The following TPD52 variants were observed in gnomAD, a reference collection of about 807,000 sequenced individuals.
TPD52 encodes prostate and colon associated protein.
In TPD52, 17 loss-of-function variants were observed where a neutral mutation model predicts 31.3. That is an observed-to-expected ratio of 0.54 (90% CI 0.37 to 0.82). TPD52 has a LOEUF of 0.82. Ranked by LOEUF, TPD52 falls within the 40% of genes least tolerant of loss-of-function variation. The pLI, the probability that TPD52 is intolerant of heterozygous loss-of-function variation, is 0.00. For synonymous variants in TPD52, 83 were observed against 89.6 expected (o/e 0.93, Z 0.42); for missense variants, 212 against 240.1 (o/e 0.88, Z 0.77).
At chr8:80,162,448 A>C (rs1811422054) in intron 1 of TPD52, among the ~76,000 whole-genome samples, 1 of 152,176 alleles carries the variant, frequency 6.6e-6, no homozygotes, top group Non-Finnish European at 1.5e-5. Flanking sequence ...TAACATCTAT[A>C]ACCTCTCTAG....
intron 1 of TPD52, among the ~76,000 whole-genome samples, chr8:80,151,760 T>A (rs927822230): frequency 2.9e-4 from 44 of 152,194 alleles, no homozygotes; most frequent in African/African-American, 8.9e-4. Context: ...CATTGCCCAG[T>A]GGAAGCTCAG....
At chr8:80,073,821 AC>A (rs1814209952) in intron 1 of TPD52, among the ~76,000 whole-genome samples, 1 of 152,224 alleles carries the variant, frequency 6.6e-6, no homozygotes, top group Admixed American at 6.5e-5. Flanking sequence ...AAGAAATATG[AC>A]TTCCATCTCA....
chr8:80,135,640 C>T (rs1051785679), intron 1 of TPD52, among the ~76,000 whole-genome samples: 1 of 150,656 alleles, frequency 6.6e-6, no homozygotes, highest in Non-Finnish European at 1.5e-5. Flanking sequence ...GGGTATATAC[C>T]CAAAGGACTA....
intron 1 of TPD52, among the ~76,000 whole-genome samples, chr8:80,123,691 A>T (rs1436488025): frequency 6.6e-6 from 1 of 152,228 alleles, no homozygotes; most frequent in Non-Finnish European, 1.5e-5. Context: ...CTTATAAATC[A>T]TGAGCACAGA....
chr8:80,063,484 G>A (rs1319053272), intron 2 of TPD52, among the ~76,000 whole-genome samples: 1 of 152,188 alleles, frequency 6.6e-6, no homozygotes, highest in Non-Finnish European at 1.5e-5. Flanking sequence ...GGTGGCAGCT[G>A]CACAACACTG....
chr8:80,038,021 A>G lies in TPD52; in HGVS notation c.*95T>C, dbSNP rs1031894523. The G allele has an allele frequency of 2.0e-6, 3 of 1,528,986 alleles. No homozygotes were observed. The highest frequency in any genetic ancestry group is 1.4e-5 in the African/African-American group (1 of 72,230). 94.7% of individuals were successfully genotyped at this position (1,528,986 alleles called of 1,614,324 possible). A position where few individuals can be genotyped will look rare whatever the true frequency, so the allele number is the denominator to read the frequency against. On this transcript the variant is annotated 3_prime_UTR_variant, in exon 8 of 8. Transcript: ENST00000518937. ...AATATGTAAAGCTAAATAAAAGCACATCTGGTAGAAATTCATGGCAATGCA... is the reference window on the plus strand; with the variant it reads ...AATATGTAAAGCTAAATAAAAGCACGTCTGGTAGAAATTCATGGCAATGCA...
At chr8:80,050,406 C>A in intron 5 of TPD52, 39 bp downstream of exon 5, 1 of 1,583,822 alleles carries the variant, frequency 6.3e-7, no homozygotes, top group Admixed American at 1.8e-5. Context: ...TTTTCTTATA[C>A]AACTGCTGGA....
At chr8:80,087,906 CT>C (rs1171852123) in intron 1 of TPD52, among the ~76,000 whole-genome samples, 14 of 152,212 alleles carry the variant, frequency 9.2e-5, no homozygotes, top group Non-Finnish European at 1.9e-4. Flanking sequence ...ATAAAAAGTA[CT>C]TGATTTTAAG....
intron 1 of TPD52, 41 bp downstream of exon 1, chr8:80,171,383 AG>A: frequency 6.3e-7 from 1 of 1,592,056 alleles, no homozygotes. Flanking sequence ...TCCAAGCCCG[AG>A]TCCAAGCCCG....
At chr8:80,067,837 C>G (rs1242390203) in intron 1 of TPD52, among the ~76,000 whole-genome samples, 1 of 151,312 alleles carries the variant, frequency 6.6e-6, no homozygotes, top group African/African-American at 2.4e-5. Context: ...AAAGTTTCCC[C>G]AAACCTGGGA....
intron 1 of TPD52, among the ~76,000 whole-genome samples, chr8:80,081,187 TG>T (rs1815247644): frequency 6.9e-6 from 1 of 144,126 alleles, no homozygotes; most frequent in African/African-American, 2.6e-5. Context: ...TTTAGAAAGC[TG>T]GTGCTTCAGT....
chr8:80,103,364 T>C (rs1806882455), intron 1 of TPD52, among the ~76,000 whole-genome samples: 1 of 152,196 alleles, frequency 6.6e-6, no homozygotes, highest in South Asian at 2.1e-4. Flanking sequence ...CCAATCAAAA[T>C]TGGTTTCATT....
chr8:80,166,185 C>T (rs970132491), intron 1 of TPD52, among the ~76,000 whole-genome samples: 2 of 152,114 alleles, frequency 1.3e-5, no homozygotes, highest in African/African-American at 4.8e-5. Flanking sequence ...TGGAGGCACA[C>T]GCCTGTAGTC....
intron 1 of TPD52, among the ~76,000 whole-genome samples, chr8:80,102,230 C>T (rs1014593895): frequency 1.3e-5 from 2 of 152,320 alleles, no homozygotes; most frequent in South Asian, 2.1e-4. Context: ...AGCCCTCAGG[C>T]AGGGTTGTAA....
intron 1 of TPD52, among the ~76,000 whole-genome samples, chr8:80,100,791 T>C (rs1806672202): frequency 6.6e-6 from 1 of 152,134 alleles, no homozygotes; most frequent in Non-Finnish European, 1.5e-5. Context: ...CAGAGAGAGG[T>C]TCCCTCTTTC....
At chr8:80,160,940 T>A (rs1811320195) in intron 1 of TPD52, among the ~76,000 whole-genome samples, 1 of 148,930 alleles carries the variant, frequency 6.7e-6, no homozygotes, top group Non-Finnish European at 1.5e-5. Context: ...CACATGCCTG[T>A]AGTCCCAGCT....
intron 2 of TPD52, among the ~76,000 whole-genome samples, chr8:80,060,481 A>G (rs1812397059): frequency 6.6e-6 from 1 of 152,194 alleles, no homozygotes; most frequent in Admixed American, 6.5e-5. Flanking sequence ...AAAAACCAGA[A>G]GATGGTAGAA....
chr8:80,104,706 A>T (rs1255728634), intron 1 of TPD52, among the ~76,000 whole-genome samples: 1 of 151,532 alleles, frequency 6.6e-6, no homozygotes, highest in Non-Finnish European at 1.5e-5. Flanking sequence ...TGAAGGAAAA[A>T]GAACTAAATG....
rs139927100 is a variant in TPD52 at position 80,163,678 on chromosome 8, A to T, written c.19+7747T>A. 1.5e-3 allele frequency among the ~76,000 whole-genome samples: 230 copies of T among 152,336 alleles called. 1 individual carries two copies. The highest frequency in any genetic ancestry group is 5.3e-3 in the African/African-American group (219 of 41,570). ...AGTTATGTTTTCCAGAATGAGATTCAGTAACAGGCATCGAAAAGCTTACAT... is the reference window on the plus strand; with the variant it reads ...AGTTATGTTTTCCAGAATGAGATTCTGTAACAGGCATCGAAAAGCTTACAT... On this transcript the variant is annotated intron_variant, in intron 1 of 7. Transcript: ENST00000518937.
Sources: allele counts gnomAD v4.1 joint callset (sites outside exome capture counted in the v4.1 genomes callset), GRCh38; gene constraint gnomAD v4.1.1; transcripts MANE v1.5; gene names NCBI Gene and HGNC (gene_info 2026-07-23, HGNC 2026-07-21).